The following SLC43A1 variants were observed in gnomAD, a reference collection of about 807,000 sequenced individuals.
The protein encoded by SLC43A1 is large neutral amino acids transporter small subunit 3.
SLC43A1 carries 31 observed loss-of-function variants against 59.5 expected under a neutral mutation model. The observed-to-expected ratio is 0.52, with a 90% CI of 0.39 to 0.70. The LOEUF is 0.70. SLC43A1 is among the 30% of genes least tolerant of loss of function. The probability of loss-of-function intolerance (pLI) is 0.00; values close to 1 mark genes in which losing one functional copy is unlikely to be tolerated. For synonymous variants in SLC43A1, 259 were observed against 290.9 expected (o/e 0.89, Z 1.12); for missense variants, 598 against 717.8 (o/e 0.83, Z 1.91).
intron 2 of SLC43A1, among the ~76,000 whole-genome samples, chr11:57,503,499 T>G (rs528369211): frequency 6.6e-6 from 1 of 152,130 alleles, no homozygotes; most frequent in South Asian, 2.1e-4. Context: ...ACTTTTTGTA[T>G]TTTTTGTAGA....
chr11:57,502,359 A>G (rs1316118285), intron 2 of SLC43A1, among the ~76,000 whole-genome samples: 1 of 152,248 alleles, frequency 6.6e-6, no homozygotes, highest in African/African-American at 2.4e-5. Context: ...CGGACCAAAG[A>G]ATGCCTAACC....
chr11:57,513,923 T>TACCC, intron 2 of SLC43A1, 35 bp downstream of exon 2: 55 of 1,162,152 alleles, frequency 4.7e-5, no homozygotes, highest in East Asian at 1.6e-4. Flanking sequence ...TTGCCATCCC[T>TACCC]CCCCCCAGCC....
Position 57,494,165 on chromosome 11 carries a change from C to T in SLC43A1, c.699G>A (p.Lys233=). 3.7e-6 allele frequency: 6 copies of T among 1,608,978 alleles called. No homozygotes were observed. The highest frequency in any genetic ancestry group is 5.1e-6 in the Non-Finnish European group (6 of 1,178,142). The change falls in exon 8 of 15, where the codon AAG becomes AAA. Residue 233 remains lysine, a synonymous_variant. Coordinates refer to ENST00000278426, the MANE Select transcript of SLC43A1 (RefSeq NM_003627.6). ...PAPEEVNYTK[K]IKLSGLALDH... The stretch of plus-strand genomic sequence containing the variant: ...CCAGGGCCAGCCCACTCAGCTTGAT[C>T]TTCTTCCTGCAGGCAGCCAGGCCAG...
Position 57,514,178 on chromosome 11 carries a change from G to A in SLC43A1, c.-13-54C>T. 1 of 1,493,508 alleles carries A rather than the reference G, an allele frequency of 6.7e-7. No homozygotes were observed. The highest frequency in any genetic ancestry group is 8.8e-7 in the Non-Finnish European group (1 of 1,129,956). 92.5% of individuals were successfully genotyped at this position (1,493,508 alleles called of 1,614,324 possible). On this transcript the variant is annotated intron_variant, in intron 1 of 14. Coordinates refer to ENST00000278426, the MANE Select transcript of SLC43A1 (RefSeq NM_003627.6). The surrounding 1 kb of genome is among the most constrained non-coding windows in gnomAD (Gnocchi z 5.5). Reference sequence around the variant, plus strand: ...GGCCCCCCAGTGGCCCCAGGGAAGGGTCCTGCATCATGGTGGCACCCGAGA... The same window carrying A: ...GGCCCCCCAGTGGCCCCAGGGAAGGATCCTGCATCATGGTGGCACCCGAGA...
At chr11:57,495,574 CGGACACTTT>C (rs2135172821) in intron 7 of SLC43A1, among the ~76,000 whole-genome samples, 1 of 152,232 alleles carries the variant, frequency 6.6e-6, no homozygotes, top group East Asian at 1.9e-4. Flanking sequence ...CGCCTGTAAT[CGGACACTTT>C]GGAAGGGCAA....
At chr11:57,487,451 A>C (rs77393228) in intron 13 of SLC43A1, among the ~76,000 whole-genome samples, 15,628 of 152,210 alleles carry the variant, frequency 0.1, 898 homozygotes, top group Middle Eastern at 0.19. Flanking sequence ...CAAGTGGCTC[A>C]AACTCCCTGA....
At chr11:57,495,971 A>G (rs914122877) in intron 7 of SLC43A1, 60 bp downstream of exon 7, 2 of 1,577,110 alleles carry the variant, frequency 1.3e-6, no homozygotes, top group South Asian at 1.2e-5. Context: ...AATTCCGTCT[A>G]TCATATCACC....
chr11:57,510,835 T>C (rs1363887568), intron 2 of SLC43A1, among the ~76,000 whole-genome samples: 1 of 151,102 alleles, frequency 6.6e-6, no homozygotes. Context: ...CTACTAAAAA[T>C]ACAAAAATTA....
In SLC43A1 at chr11:57,487,090, C is replaced by A; in HGVS notation, c.1533+5G>T. On this transcript the variant is annotated splice_donor_5th_base_variant and intron_variant, in intron 14 of 14. Transcript: ENST00000278426. ...TGCTCCCCCCACACCAACCCTCGCT[C>A]TCACCCAGAAGGGCTCTCCTTTCAG... The A allele has an allele frequency of 6.2e-7, 1 of 1,613,750 alleles. No homozygotes were observed. The highest frequency in any genetic ancestry group is 8.5e-7 in the Non-Finnish European group (1 of 1,179,916).
At position 57,487,076 on chromosome 11, in the gene SLC43A1, C is replaced by T. The variant is rs1304827811; in HGVS notation, c.1533+19G>A. 1 of 1,612,784 alleles carries T rather than the reference C, an allele frequency of 6.2e-7. No homozygotes were observed. Among genetic ancestry groups the T allele is most frequent in the Non-Finnish European group, 8.5e-7 (1 of 1,179,380 alleles). On this transcript the variant is annotated intron_variant, in intron 14 of 14. Transcript: ENST00000278426. ...AGGAGAGTGGCTCCTGCTCCCCCCACACCAACCCTCGCTCTCACCCAGAAG... is the reference window on the plus strand; with the variant it reads ...AGGAGAGTGGCTCCTGCTCCCCCCATACCAACCCTCGCTCTCACCCAGAAG...
intron 14 of SLC43A1, 148 bp downstream of exon 14, chr11:57,486,946 TA>T: frequency 1.3e-6 from 1 of 756,034 alleles, no homozygotes; most frequent in Non-Finnish European, 2.1e-6. Flanking sequence ...TGAGGGGTTC[TA>T]AAAGGCAGAC....
At chr11:57,504,730 A>G (rs1235355983) in intron 2 of SLC43A1, among the ~76,000 whole-genome samples, 3 of 152,228 alleles carry the variant, frequency 2.0e-5, no homozygotes, top group African/African-American at 7.2e-5. Context: ...TAGCTCAGTA[A>G]GTTTCCCAAG....
intron 11 of SLC43A1, among the ~76,000 whole-genome samples, chr11:57,490,305 T>C (rs552014385): frequency 1.4e-5 from 2 of 141,986 alleles, no homozygotes; most frequent in South Asian, 4.5e-4. Context: ...CAAGACTGTC[T>C]CAATAAAAAA....
intron 5 of SLC43A1, among the ~76,000 whole-genome samples, chr11:57,500,229 T>A (rs1017935423): frequency 5.3e-5 from 8 of 152,222 alleles, no homozygotes; most frequent in Admixed American, 1.3e-4. Context: ...TGGTTCAACC[T>A]AGTACACTCA....
chr11:57,503,988 T>G (rs971868964), intron 2 of SLC43A1, among the ~76,000 whole-genome samples: 2 of 151,936 alleles, frequency 1.3e-5, no homozygotes, highest in African/African-American at 4.8e-5. Context: ...AGTCAGGAGA[T>G]CGAGACCATC....
chr11:57,496,061 GCTT>G lies in SLC43A1; in HGVS notation c.659_661del (p.Glu220del). ...ATTGACTTCCTCAGGGGCAGGAAAG[GCTT>G]CGATGGGCCAGTTGAGGGTGCAGTT... On this transcript the variant is annotated inframe_deletion, in exon 7 of 15. Transcript: ENST00000278426. 6.2e-7 allele frequency: 1 copy of G among 1,614,116 alleles called. No homozygotes were observed. The highest frequency in any genetic ancestry group is 1.1e-5 in the South Asian group (1 of 91,070).
rs951571953 is a variant in SLC43A1, at chr11:57,514,845, A to G, written c.-14+599T>C. 13 of 985,302 alleles carry G rather than the reference A, an allele frequency of 1.3e-5. No individual in the cohort carries two copies. The highest frequency in any genetic ancestry group is 1.6e-5 in the Non-Finnish European group (13 of 829,988). The allele number at this position is 985,302 out of a possible 1,614,324, so 61.0% of individuals were successfully genotyped here. ...CCGCTTGCCCCCCTCCAGCCCCGGG[A>G]GGGGGCTCGGACTTCGGCAGGAAGT... is the stretch of plus-strand genomic sequence containing the variant. On this transcript the variant is annotated intron_variant, in intron 1 of 14. Coordinates refer to ENST00000278426, the MANE Select transcript of SLC43A1 (RefSeq NM_003627.6). The surrounding 1 kb of genome is among the most constrained non-coding windows in gnomAD (Gnocchi z 5.5).
chr11:57,489,459 G>A, intron 11 of SLC43A1, 67 bp from the exon 12 acceptor site: 1 of 1,577,880 alleles, frequency 6.3e-7, no homozygotes, highest in Non-Finnish European at 8.7e-7. Context: ...TCTTGGCCTG[G>A]CCCCTCCCCC....
At chr11:57,502,374 A>T (rs1944289753) in intron 2 of SLC43A1, among the ~76,000 whole-genome samples, 1 of 152,062 alleles carries the variant, frequency 6.6e-6, no homozygotes, top group Non-Finnish European at 1.5e-5. Flanking sequence ...CTAACCCACG[A>T]CCTCCTTAGG....
Sources: allele counts gnomAD v4.1 joint callset (sites outside exome capture counted in the v4.1 genomes callset), GRCh38; gene constraint gnomAD v4.1.1; non-coding constraint Gnocchi (gnomAD v3.1); transcripts MANE v1.5; gene names NCBI Gene and HGNC (gene_info 2026-07-23, HGNC 2026-07-21).